PLTP: variants seen among roughly 807,000 people sequenced by gnomAD.
PLTP encodes BPI fold containing family E.
A neutral mutation model predicts 54.1 loss-of-function variants in PLTP; 43 were observed. The ratio of observed to expected loss-of-function variants is 0.79; its 90% CI spans 0.62 to 1.02. PLTP has a LOEUF of 1.02. Among genes scored for constraint, PLTP ranks in the 50% least tolerant of loss-of-function variants. The pLI, the probability that PLTP is intolerant of heterozygous loss-of-function variation, is 0.00. For missense variants in PLTP, 604 were observed against 645.9 expected (o/e 0.94, Z 0.70); for synonymous variants, 263 against 264.6 (o/e 0.99, Z 0.06).
At chr20:45,899,812 G>GGCCCCCCCCCCCCCCCCCCCC in intron 13 of PLTP, 24 bp downstream of exon 13, 1 of 309,346 alleles carries the variant, frequency 3.2e-6, no homozygotes, top group Non-Finnish European at 6.2e-6. Context: ...ACCCAGCCCA[G>GGCCCCCCCCCCCCCCCCCCCC]CCCACCCACC....
intron 3 of PLTP, 50 bp downstream of exon 3, chr20:45,911,102 T>TCCACCGCCGAGGCCCCGCCC: frequency 6.2e-7 from 1 of 1,610,184 alleles, no homozygotes; most frequent in South Asian, 1.1e-5. Context: ...GGGCCCCGCC[T>TCCACCGCCGAGGCCCCGCCC]CCACCGCCGA....
Position 45,911,202 on chromosome 20 carries a change from G to T in PLTP, c.150C>A (p.Thr50=), listed in dbSNP as rs745687571. The change falls in exon 3 of 16, where the codon ACC becomes ACA. Residue 50 remains threonine, a synonymous_variant. Coordinates refer to ENST00000372431, the MANE Select transcript of PLTP (RefSeq NM_006227.4). ...RFLEQELETI[T]IPDLRGKEGH... ...CTTCTTTGCCCCGCAGGTCCGGAAT[G>T]GTGATAGTCTCCAGCTCTTGCTCCA... The T allele has an allele frequency of 2.7e-5, 44 of 1,614,024 alleles. No individual in the cohort carries two copies. Among genetic ancestry groups the T allele is most frequent in the Non-Finnish European group, 2.1e-5 (25 of 1,180,014 alleles).
At chr20:45,908,014 A>C in intron 5 of PLTP, 110 bp from the exon 6 acceptor site, 1 of 959,806 alleles carries the variant, frequency 1.0e-6, no homozygotes, top group Non-Finnish European at 1.6e-6. Context: ...CCTCAGCTTC[A>C]GCCTGAATAA....
chr20:45,899,724 G>C (rs1260031092), intron 13 of PLTP, 39 bp from the exon 14 acceptor site: 1 of 1,613,086 alleles, frequency 6.2e-7, no homozygotes, highest in Non-Finnish European at 8.5e-7. Flanking sequence ...AGTGAGTCAG[G>C]GTTGGGTTTG....
At chr20:45,903,067 T>G (rs1210730111) in intron 10 of PLTP, among the ~76,000 whole-genome samples, 1 of 152,096 alleles carries the variant, frequency 6.6e-6, no homozygotes, top group Non-Finnish European at 1.5e-5. Context: ...CATGCCCGGC[T>G]AAGTTTTGTA....
chr20:45,904,724 T>C, intron 10 of PLTP, 76 bp downstream of exon 10: 1 of 1,432,034 alleles, frequency 7.0e-7, no homozygotes. Flanking sequence ...TGGCTGCCAC[T>C]GGGGGCCCCA....
intron 12 of PLTP, among the ~76,000 whole-genome samples, chr20:45,900,193 C>T (rs2083170017): frequency 7.1e-6 from 1 of 139,886 alleles, no homozygotes; most frequent in Non-Finnish European, 1.5e-5. Context: ...ACTGCTCCGT[C>T]TCCCGGGTTC....
rs1284202091 is a variant in PLTP, at chr20:45,911,208, A to G, written c.144T>C (p.Thr48=). ...GLRFLEQELE[T]ITIPDLRGKE... ...TGCCCCGCAGGTCCGGAATGGTGAT[A>G]GTCTCCAGCTCTTGCTCCAGAAAGC... The change falls in exon 3 of 16, where the codon ACT becomes ACC. Residue 48 remains threonine, a synonymous_variant. Coordinates refer to ENST00000372431, the MANE Select transcript of PLTP (RefSeq NM_006227.4). 1.2e-6 allele frequency: 2 copies of G among 1,614,094 alleles called. No individual in the cohort carries two copies. The highest frequency in any genetic ancestry group is 2.2e-5 in the East Asian group (1 of 44,856).
rs746783296 is a variant in PLTP, at chr20:45,906,890, C to CAA, written c.614-533_614-532dup. 2.0e-3 allele frequency among the ~76,000 whole-genome samples: 80 copies of CAA among 40,936 alleles called. 3 individuals are homozygous for CAA. Among genetic ancestry groups the CAA allele is most frequent in the South Asian group, 4.0e-3 (5 of 1,246 alleles). 26.9% of individuals were successfully genotyped at this position (40,936 alleles called of 152,430 possible). On this transcript the variant is annotated intron_variant, in intron 7 of 15. Transcript: ENST00000372431. ...TGGGTGACAGAGCGAGACTCCATCT[C>CAA]AAAAAAAAAAAAAAAAAAAAAAGAT...
At chr20:45,902,087 C>T (rs1329967316) in intron 12 of PLTP, among the ~76,000 whole-genome samples, 180 bp downstream of exon 12, 1 of 152,152 alleles carries the variant, frequency 6.6e-6, no homozygotes, top group Non-Finnish European at 1.5e-5. Flanking sequence ...CTGCCTGCCT[C>T]TGGGACATGT....
chr20:45,899,843 G>A lies in PLTP; in HGVS notation c.1211C>T (p.Ser404Leu), dbSNP rs982376518. 63 of 889,942 alleles carry A rather than the reference G, an allele frequency of 7.1e-5. No individual in the cohort carries two copies. Among genetic ancestry groups the A allele is most frequent in the Non-Finnish European group, 9.8e-5 (62 of 632,966 alleles). The allele number at this position is 889,942 out of a possible 1,614,324, so 55.1% of individuals were successfully genotyped here. A position where few individuals can be genotyped will look rare whatever the true frequency, so the allele number is the denominator to read the frequency against. Residue 404 changes from serine (S) to leucine (L), a missense_variant, in exon 13 of 16, where the codon TCG (serine) becomes TTG (leucine). Coordinates refer to ENST00000372431, the MANE Select transcript of PLTP (RefSeq NM_006227.4). ...RIYSNHSALE[S>L]LALIPLQAPL... is the part of the protein sequence containing the mutation. ...CCACCCTTCCCCACTCACAGCCAGC[G>A]ACTCCAGTGCAGAATGGTTGGAATA...
chr20:45,899,722 AG>A, intron 13 of PLTP, 37 bp from the exon 14 acceptor site: 1 of 1,613,408 alleles, frequency 6.2e-7, no homozygotes, highest in Non-Finnish European at 8.5e-7. Context: ...GCAGTGAGTC[AG>A]GGTTGGGTTT....
At chr20:45,910,205 C>T in intron 3 of PLTP, 135 bp from the exon 4 acceptor site, 2 of 962,284 alleles carry the variant, frequency 2.1e-6, no homozygotes, top group Non-Finnish European at 3.2e-6. Flanking sequence ...TCCATTGTCC[C>T]TCAAGTGCCC....
rs375342338 is a variant in PLTP, at chr20:45,911,159, T to C, written c.193A>G (p.Ile65Val). The C allele has an allele frequency of 2.4e-5, 39 of 1,611,496 alleles. No individual in the cohort carries two copies. Among genetic ancestry groups the C allele is most frequent in the Non-Finnish European group, 3.1e-5 (37 of 1,177,942 alleles). Residue 65 changes from isoleucine to valine, a missense_variant, in exon 3 of 16, where the codon ATC (isoleucine) becomes GTC (valine). By Grantham distance (29) the Ile-to-Val change is conservative. Coordinates refer to ENST00000372431, the MANE Select transcript of PLTP (RefSeq NM_006227.4). ...RGKEGHFYYN[I>V]SEVKVTELQL... ...GCCCCGCCCCCCACTTACTCAGAGA[T>C]GTTGTAGTAGAAGTGGCCTTCTTTG...
chr20:45,900,098 CTTTTTTTT>C (rs71181874), intron 12 of PLTP, among the ~76,000 whole-genome samples: 5 of 55,744 alleles, frequency 9.0e-5, no homozygotes, highest in African/African-American at 2.1e-4. Flanking sequence ...TTGAGCACCT[CTTTTTTTT>C]TTTTTTTTTT....
Position 45,898,645 on chromosome 20 carries a change from C to T in PLTP, c.*296G>A. ...CCTGGGGGCAAGTTAGCACTTTATTCCCGCAGCAGTTCCTGAATGGGGTGG... is the reference window on the plus strand; with the variant it reads ...CCTGGGGGCAAGTTAGCACTTTATTTCCGCAGCAGTTCCTGAATGGGGTGG... On this transcript the variant is annotated 3_prime_UTR_variant, in exon 16 of 16. Coordinates refer to ENST00000372431, the MANE Select transcript of PLTP (RefSeq NM_006227.4). The surrounding 1 kb of genome is among the most constrained non-coding windows in gnomAD (Gnocchi z 4.6). 1.4e-6 allele frequency: 1 copy of T among 698,498 alleles called. No homozygotes were observed. The highest frequency in any genetic ancestry group is 2.5e-6 in the Non-Finnish European group (1 of 396,800). 43.3% of individuals were successfully genotyped at this position (698,498 alleles called of 1,614,324 possible). A position where few individuals can be genotyped will look rare whatever the true frequency, so the allele number is the denominator to read the frequency against.
At chr20:45,909,755 G>A in intron 4 of PLTP, 84 bp from the exon 5 acceptor site, 3 of 1,519,296 alleles carry the variant, frequency 2.0e-6, no homozygotes, top group Non-Finnish European at 2.7e-6. Flanking sequence ...CTCTTAATAA[G>A]GTTTCACCTC....
chr20:45,899,184 G>A, intron 15 of PLTP, 121 bp from the exon 16 acceptor site: 1 of 1,422,810 alleles, frequency 7.0e-7, no homozygotes, highest in East Asian at 2.3e-5. Flanking sequence ...CCATGTCAAG[G>A]TGTTAAAATG....
intron 10 of PLTP, among the ~76,000 whole-genome samples, chr20:45,902,967 A>C (rs11569673): frequency 1.3e-5 from 2 of 148,530 alleles, no homozygotes; most frequent in Non-Finnish European, 3.0e-5. Flanking sequence ...GCAGTGGCAC[A>C]ATCTCGGCTC....
Sources: allele counts gnomAD v4.1 joint callset (sites outside exome capture counted in the v4.1 genomes callset), GRCh38; gene constraint gnomAD v4.1.1; non-coding constraint Gnocchi (gnomAD v3.1); transcripts MANE v1.5; gene names NCBI Gene and HGNC (gene_info 2026-07-23, HGNC 2026-07-21).